AFF2: variants seen among roughly 807,000 people sequenced by gnomAD.
AFF2 encodes the protein ALF transcription elongation factor 2.
In AFF2, 14 loss-of-function variants were observed where a neutral mutation model predicts 76.9. The ratio of observed to expected loss-of-function variants is 0.18; its 90% CI spans 0.12 to 0.28. AFF2 has a LOEUF of 0.28. Among genes scored for constraint, AFF2 ranks in the 10% least tolerant of loss-of-function variants. AFF2 has a pLI of 1.00. For missense variants in AFF2, 868 were observed against 1,001.1 expected, an observed-to-expected ratio of 0.87 and a Z score of 1.79; for synonymous variants, 398 against 366.7, an observed-to-expected ratio of 1.09 and a Z score of -0.98.
chrX:148,661,465 G>T (rs2054303307), intron 2 of AFF2, among the ~76,000 whole-genome samples: 1 of 111,730 alleles, frequency 9.0e-6, no homozygotes, highest in Admixed American at 9.5e-5. Context: ...CTTTTTCATG[G>T]TATAATGTGG....
chrX:148,991,128 T>G (rs2072528855), intron 20 of AFF2, 83 bp from the exon 21 acceptor site: 2 of 954,226 alleles, frequency 2.1e-6, no homozygotes, highest in Admixed American at 2.9e-5. Context: ...GGTTGTGGTG[T>G]TGTGTGAAAG....
rs782108056 is a variant in AFF2, at chrX:148,994,093, A to G, written c.*2761A>G. On this transcript the variant is annotated 3_prime_UTR_variant, in exon 21 of 21. Transcript: ENST00000370460. ...TCTAGATCTTGATGGAGGCTTGGTGAGACACACTTAAATAAGCACGTGGAG... is the reference window on the plus strand; with the variant it reads ...TCTAGATCTTGATGGAGGCTTGGTGGGACACACTTAAATAAGCACGTGGAG... 1 of 111,349 alleles carries G rather than the reference A, an allele frequency of 9.0e-6. No individual in the cohort carries two copies. Among genetic ancestry groups the G allele is most frequent in the East Asian group, 2.8e-4 (1 of 3,514 alleles). The allele number at this position is 111,349 out of a possible 1,213,427, so 9.2% of individuals were successfully genotyped here.
In AFF2 at chrX:148,606,063, A is replaced by G. The variant is rs782648389; in HGVS notation, c.48-45936A>G. ...TCTGATGTGATGCACTGAGAAAAGTATGATAACTACAATATTACTTCTGTG... is the reference window on the plus strand; with the variant it reads ...TCTGATGTGATGCACTGAGAAAAGTGTGATAACTACAATATTACTTCTGTG... On this transcript the variant is annotated intron_variant, in intron 1 of 20. Transcript: ENST00000370460. 1.1e-3 allele frequency among the ~76,000 whole-genome samples: 128 copies of G among 112,847 alleles called. 1 individual carries two copies. Among genetic ancestry groups the G allele is most frequent in the Non-Finnish European group, 1.3e-3 (69 of 53,251 alleles).
chrX:148,618,708 T>C (rs2053838285), intron 1 of AFF2, among the ~76,000 whole-genome samples: 1 of 111,986 alleles, frequency 8.9e-6, no homozygotes, highest in Non-Finnish European at 1.9e-5. Context: ...GAGGGCTTCA[T>C]GTTAGCTGGG....
At chrX:148,569,405 G>A (rs1322191706) in intron 1 of AFF2, among the ~76,000 whole-genome samples, 1 of 111,252 alleles carries the variant, frequency 9.0e-6, no homozygotes, top group African/African-American at 3.3e-5. Context: ...GAGAACTGAA[G>A]TTTTGCTGAA....
intron 7 of AFF2, among the ~76,000 whole-genome samples, chrX:148,874,880 T>C (rs1410710382): frequency 1.8e-5 from 2 of 111,886 alleles, no homozygotes; most frequent in African/African-American, 6.5e-5. Context: ...CAAGTTGAAA[T>C]TTGGAGAGAG....
intron 1 of AFF2, among the ~76,000 whole-genome samples, chrX:148,567,563 G>A (rs1204207664): frequency 9.0e-6 from 1 of 111,119 alleles, no homozygotes; most frequent in Non-Finnish European, 1.9e-5. Context: ...CTCAGCTTAC[G>A]GTGGAGTCAA....
rs1435242306 is a variant in AFF2, at chrX:148,955,810, C to T, written c.1765C>T (p.Leu589Phe). 2 of 1,209,557 alleles carry T rather than the reference C, an allele frequency of 1.7e-6. No homozygotes were observed. Among genetic ancestry groups the T allele is most frequent in the African/African-American group, 3.5e-5 (2 of 57,046 alleles). ...VPAEPKERPL[L>F]SLIREKARPR... is the part of the protein sequence containing the mutation. ...AGCTGAACCCAAAGAAAGGCCTCTC[C>T]TCAGTCTCATTAGGGAGAAAGCCCG... The change falls in exon 11 of 21, where the codon CTC (leucine) becomes TTC (phenylalanine). Residue 589 changes from leucine to phenylalanine, a missense_variant. Physicochemically the swap from Leu to Phe is conservative, Grantham distance 22. This residue lies in a region of AFF2 where 532 missense variants were observed against 564.2 expected (regional missense o/e 0.94). Coordinates refer to ENST00000370460, the MANE Select transcript of AFF2 (RefSeq NM_002025.4).
At chrX:148,719,318 G>T in intron 3 of AFF2, 1 of 652,776 alleles carries the variant, frequency 1.5e-6, no homozygotes, top group Non-Finnish European at 2.3e-6. Flanking sequence ...AATGAGTCCT[G>T]ATCACAGTGA....
At chrX:148,970,016 T>C (rs1373025524) in intron 15 of AFF2, among the ~76,000 whole-genome samples, 1 of 111,775 alleles carries the variant, frequency 8.9e-6, no homozygotes, top group East Asian at 2.8e-4. Flanking sequence ...TACAGATCTC[T>C]CCAGCTATTG....
At position 148,762,480 on chromosome X, in the gene AFF2, ATGTG is replaced by A. The variant is rs144985699; in HGVS notation, c.1042-47370_1042-47367del. Reference sequence around the variant, plus strand: ...ATATATTATGTGTGTACATATGTATATGTGTGTGTGTGTGTGTGTGTGTGTGTGT... The same window carrying A: ...ATATATTATGTGTGTACATATGTATATGTGTGTGTGTGTGTGTGTGTGTGT... On this transcript the variant is annotated intron_variant, in intron 3 of 20. Transcript: ENST00000370460. Among the ~76,000 whole-genome samples the A allele has an allele frequency of 3.4e-3, 318 of 92,516 alleles. 3 individuals carry two copies. Among genetic ancestry groups the A allele is most frequent in the African/African-American group, 0.014 (300 of 22,221 alleles). 80.3% of individuals were successfully genotyped at this position (92,516 alleles called of 115,157 possible).
chrX:148,871,089 G>C (rs782380931), intron 7 of AFF2, among the ~76,000 whole-genome samples: 1 of 111,554 alleles, frequency 9.0e-6, no homozygotes, highest in South Asian at 3.8e-4. Flanking sequence ...GTGGGGGGCA[G>C]TGATGATGCC....
intron 2 of AFF2, among the ~76,000 whole-genome samples, chrX:148,659,203 A>G (rs1010923353): frequency 1.8e-5 from 2 of 112,398 alleles, no homozygotes; most frequent in Non-Finnish European, 3.8e-5. Flanking sequence ...ATGGAAAACT[A>G]TATCTAAGCT....
At chrX:148,866,621 T>A (rs2070910432) in intron 7 of AFF2, among the ~76,000 whole-genome samples, 1 of 112,558 alleles carries the variant, frequency 8.9e-6, no homozygotes. Flanking sequence ...TTATAAGCTA[T>A]CTCTAAAATG....
At chrX:148,886,060 G>A in intron 8 of AFF2, 75 bp downstream of exon 8, 1 of 797,429 alleles carries the variant, frequency 1.3e-6, no homozygotes, top group Non-Finnish European at 1.9e-6. Flanking sequence ...GACATGCTTT[G>A]ACATGCGCAA....
At chrX:148,847,917 G>A (rs1312592369) in intron 7 of AFF2, among the ~76,000 whole-genome samples, 12 of 111,948 alleles carry the variant, frequency 1.1e-4, no homozygotes, top group African/African-American at 3.9e-4. Flanking sequence ...CTCCTGAAGT[G>A]TACACAGTCC....
chrX:148,954,717 C>G (rs958618423), intron 10 of AFF2, among the ~76,000 whole-genome samples: 1 of 112,132 alleles, frequency 8.9e-6, no homozygotes, highest in Admixed American at 9.4e-5. Context: ...AGCTGATGTT[C>G]TCAACCTGAA....
intron 4 of AFF2, among the ~76,000 whole-genome samples, chrX:148,821,307 C>T (rs945464338): frequency 6.3e-5 from 7 of 111,221 alleles, no homozygotes; most frequent in Non-Finnish European, 1.3e-4. Context: ...CCTTTCTCCC[C>T]TGTTCTAATT....
intron 9 of AFF2, among the ~76,000 whole-genome samples, chrX:148,928,594 T>G (rs1349516763): frequency 3.6e-5 from 4 of 112,368 alleles, no homozygotes; most frequent in African/African-American, 6.5e-5. Flanking sequence ...AATTGAAGGA[T>G]GAATACTTTG....
Sources: gnomAD v4.1 joint callset for allele counts (sites outside exome capture counted in the v4.1 genomes callset) on GRCh38, gnomAD v4.1.1 for gene constraint, gnomAD v4.1.1 regional missense constraint, MANE v1.5 for transcripts, NCBI Gene and HGNC (gene_info 2026-07-23, HGNC 2026-07-21) for gene names.